The following THSD7B variants were observed in gnomAD, a reference collection of about 807,000 sequenced individuals.
THSD7B encodes the protein thrombospondin type 1 domain containing 7B.
A neutral mutation model predicts 213.6 loss-of-function variants in THSD7B; 138 were observed. The observed-to-expected ratio is 0.65, with a 90% CI of 0.56 to 0.74. The LOEUF (loss-of-function observed/expected upper bound fraction) is 0.74, where lower values mean the gene tolerates loss of function less well. Ranked by LOEUF, THSD7B falls within the 30% of genes least tolerant of loss-of-function variation. THSD7B has a pLI of 0.00. For synonymous variants in THSD7B, 742 were observed against 687.0 expected, an observed-to-expected ratio of 1.08 and a Z score of -1.25; for missense variants, 1,931 against 1,991.5, an observed-to-expected ratio of 0.97 and a Z score of 0.58.
chr2:137,142,492 C>T (rs148875574), intron 5 of THSD7B, among the ~76,000 whole-genome samples: 83 of 152,152 alleles, frequency 5.5e-4, no homozygotes, highest in Non-Finnish European at 6.9e-4. Context: ...GCATTCAAAC[C>T]GTAGCAAGAA....
chr2:136,975,182 G>A (rs1226414368), intron 2 of THSD7B, among the ~76,000 whole-genome samples: 1 of 151,578 alleles, frequency 6.6e-6, no homozygotes, highest in Non-Finnish European at 1.5e-5. Flanking sequence ...CTTTTGCTGT[G>A]CAGAAGCTCT....
At chr2:137,602,132 T>C (rs1682085173) in intron 17 of THSD7B, among the ~76,000 whole-genome samples, 1 of 152,230 alleles carries the variant, frequency 6.6e-6, no homozygotes, top group African/African-American at 2.4e-5. Flanking sequence ...TATTGTTTAT[T>C]TCTGAGGCTA....
rs375779972 is a variant in THSD7B, at chr2:137,315,430, C to G, written c.2500+39404C>G. ...TCTGGCACTCCCTAGTGAGATGAAC[C>G]CGATACCTCAGATGGAAATGGAGAA... On this transcript the variant is annotated intron_variant, in intron 12 of 27. Coordinates refer to ENST00000409968, the MANE Select transcript of THSD7B (RefSeq NM_001316349.2). Among the ~76,000 whole-genome samples the G allele has an allele frequency of 3.9e-5, 6 of 152,124 alleles. No individual in the cohort carries two copies. In the East Asian group the frequency reaches 7.7e-4, roughly 20 times the overall value.
chr2:137,142,149 G>A (rs1174380759), intron 5 of THSD7B, among the ~76,000 whole-genome samples: 1 of 152,138 alleles, frequency 6.6e-6, no homozygotes, highest in Non-Finnish European at 1.5e-5. Context: ...CACATACTGT[G>A]TCATTTATAA....
chr2:137,483,514 CCTAA>C (rs1688353587), intron 15 of THSD7B, among the ~76,000 whole-genome samples: 1 of 152,198 alleles, frequency 6.6e-6, no homozygotes, highest in South Asian at 2.1e-4. Flanking sequence ...GTTAAAATGG[CCTAA>C]CTCTTACCCT....
chr2:137,201,979 G>A (rs1334353816), intron 7 of THSD7B, among the ~76,000 whole-genome samples: 4 of 152,070 alleles, frequency 2.6e-5, no homozygotes. Context: ...TCTTTTCCTT[G>A]TTAATCTCTC....
At chr2:137,473,409 C>T (rs936453006) in intron 15 of THSD7B, among the ~76,000 whole-genome samples, 9 of 151,880 alleles carry the variant, frequency 5.9e-5, no homozygotes, top group Non-Finnish European at 7.4e-5. Flanking sequence ...AGCATTTCAC[C>T]GTGTTAGCCA....
At chr2:137,366,462 G>C (rs1685410492) in intron 12 of THSD7B, among the ~76,000 whole-genome samples, 1 of 152,064 alleles carries the variant, frequency 6.6e-6, no homozygotes, top group Non-Finnish European at 1.5e-5. Context: ...TGCTTTACAT[G>C]TGTATTCAGA....
chr2:137,307,557 C>G (rs1683785093), intron 12 of THSD7B, among the ~76,000 whole-genome samples: 7 of 152,084 alleles, frequency 4.6e-5, no homozygotes, highest in Admixed American at 4.6e-4. Context: ...GGATAAATTG[C>G]AGCTTTGTTT....
At chr2:137,412,518 A>AC (rs951705987) in intron 14 of THSD7B, among the ~76,000 whole-genome samples, 1 of 81,114 alleles carries the variant, frequency 1.2e-5, no homozygotes. Context: ...AATTGCTTGA[A>AC]CCCGGGGGGC....
At chr2:137,076,715 T>A (rs1687632683) in intron 3 of THSD7B, among the ~76,000 whole-genome samples, 1 of 152,220 alleles carries the variant, frequency 6.6e-6, no homozygotes, top group African/African-American at 2.4e-5. Context: ...GCTGTTCCTA[T>A]TCGGCCATCT....
intron 26 of THSD7B, among the ~76,000 whole-genome samples, chr2:137,664,597 C>A (rs962934994): frequency 6.6e-6 from 1 of 152,196 alleles, no homozygotes; most frequent in African/African-American, 2.4e-5. Context: ...TGTCTCATTA[C>A]ATTCTTGCAA....
intron 15 of THSD7B, among the ~76,000 whole-genome samples, chr2:137,521,667 G>T (rs772931590): frequency 2.0e-5 from 3 of 152,218 alleles, no homozygotes; most frequent in Non-Finnish European, 4.4e-5. Context: ...GGAGATGCCA[G>T]CTGGCAAAGC....
chr2:137,173,649 G>C (rs113025963), intron 7 of THSD7B, among the ~76,000 whole-genome samples: 1 of 152,192 alleles, frequency 6.6e-6, no homozygotes, highest in African/African-American at 2.4e-5. Context: ...CTCCCTCATC[G>C]TTTGTGGGGC....
At position 137,315,560 on chromosome 2, in the gene THSD7B, C is replaced by T. The variant is rs374882507; in HGVS notation, c.2500+39534C>T. Among the ~76,000 whole-genome samples the T allele has an allele frequency of 7.2e-5, 11 of 152,164 alleles. No individual in the cohort carries two copies. In the East Asian group the frequency reaches 1.9e-3, roughly 27 times the overall value. On this transcript the variant is annotated intron_variant, in intron 12 of 27. Coordinates refer to ENST00000409968, the MANE Select transcript of THSD7B (RefSeq NM_001316349.2). ...ACTATATGTATATATAATTTTAAAA[C>T]GTTTTTCAGTAGCGTCTCTATCAAC...
At chr2:137,447,334 T>C (rs1687562429) in intron 14 of THSD7B, among the ~76,000 whole-genome samples, 1 of 152,154 alleles carries the variant, frequency 6.6e-6, no homozygotes, top group Non-Finnish European at 1.5e-5. Flanking sequence ...AGGGTCTACA[T>C]AGACATTCAA....
At chr2:137,331,630 C>T (rs1030332373) in intron 12 of THSD7B, among the ~76,000 whole-genome samples, 1 of 152,138 alleles carries the variant, frequency 6.6e-6, no homozygotes, top group African/African-American at 2.4e-5. Context: ...CTTGGGTGGT[C>T]GATGGGACTG....
intron 12 of THSD7B, among the ~76,000 whole-genome samples, chr2:137,339,541 T>C (rs567536339): frequency 6.6e-6 from 1 of 151,940 alleles, no homozygotes; most frequent in South Asian, 2.1e-4. Context: ...CAAATGCACA[T>C]CATTTGTGGT....
At chr2:136,850,525 C>T (rs1340709285) in intron 1 of THSD7B, among the ~76,000 whole-genome samples, 1 of 151,822 alleles carries the variant, frequency 6.6e-6, no homozygotes, top group Non-Finnish European at 1.5e-5. Context: ...CCATTAGCAG[C>T]TTGTAAGAGT....
Sources: allele counts gnomAD v4.1 joint callset (sites outside exome capture counted in the v4.1 genomes callset), GRCh38; gene constraint gnomAD v4.1.1; transcripts MANE v1.5; gene names NCBI Gene and HGNC (gene_info 2026-07-23, HGNC 2026-07-21).